FKTN: variants seen among roughly 807,000 people sequenced by gnomAD.
The protein encoded by FKTN is ribitol-5-phosphate transferase FKTN.
A neutral mutation model predicts 58.6 loss-of-function variants in FKTN; 47 were observed. That is an observed-to-expected ratio of 0.80 (90% CI 0.63 to 1.02). The LOEUF is 1.02. FKTN is among the 50% of genes least tolerant of loss of function. FKTN has a pLI of 0.00. For synonymous variants in FKTN, 178 were observed against 191.9 expected, an observed-to-expected ratio of 0.93 and a Z score of 0.60; for missense variants, 516 against 537.3, an observed-to-expected ratio of 0.96 and a Z score of 0.39.
rs572600058 is a variant in FKTN at position 105,563,859 on chromosome 9, G to A, written c.-181+5694G>A. Reference sequence around the variant, plus strand: ...GAGAACGGACAGACTGCCTCCTCAAGTGGGTCCCTGACCCTCAAGTAGCCT... The same window carrying A: ...GAGAACGGACAGACTGCCTCCTCAAATGGGTCCCTGACCCTCAAGTAGCCT... On this transcript the variant is annotated intron_variant, in intron 1 of 10. Coordinates refer to ENST00000357998, the MANE Select transcript of FKTN (RefSeq NM_001079802.2). Among the ~76,000 whole-genome samples the A allele has an allele frequency of 1.4e-4, 22 of 152,328 alleles. No individual in the cohort carries two copies. The South Asian group carries it at 4.3e-3, about 30-fold the overall frequency.
At chr9:105,626,878 T>G (rs538701125) in intron 10 of FKTN, among the ~76,000 whole-genome samples, 18 of 152,254 alleles carry the variant, frequency 1.2e-4, no homozygotes, top group African/African-American at 4.3e-4. Flanking sequence ...TATCCTCTTT[T>G]GTGAGTTACT....
At chr9:105,564,952 G>A (rs879180137) in intron 1 of FKTN, among the ~76,000 whole-genome samples, 20 of 152,136 alleles carry the variant, frequency 1.3e-4, no homozygotes, top group Admixed American at 6.5e-4. Context: ...CTGATCTCTC[G>A]GCAGGAACTC....
intron 6 of FKTN, among the ~76,000 whole-genome samples, chr9:105,606,647 G>C (rs1828931798): frequency 6.7e-6 from 1 of 150,252 alleles, no homozygotes; most frequent in East Asian, 1.9e-4. Context: ...CTTGAGAAGT[G>C]TAAGAGTATG....
chr9:105,624,985 T>C (rs1440517139), intron 10 of FKTN, among the ~76,000 whole-genome samples: 1 of 152,178 alleles, frequency 6.6e-6, no homozygotes, highest in African/African-American at 2.4e-5. Flanking sequence ...GTATAATGCT[T>C]CGATTAAATA....
chr9:105,635,565 T>C lies in FKTN; in HGVS notation c.*301T>C. 1 of 1,265,730 alleles carries C rather than the reference T, an allele frequency of 7.9e-7. No individual in the cohort carries two copies. Among genetic ancestry groups the C allele is most frequent in the East Asian group, 4.2e-5 (1 of 23,840 alleles). 78.4% of individuals were successfully genotyped at this position (1,265,730 alleles called of 1,614,324 possible). A position where few individuals can be genotyped will look rare whatever the true frequency, so the allele number is the denominator to read the frequency against. On this transcript the variant is annotated 3_prime_UTR_variant, in exon 11 of 11. Coordinates refer to ENST00000357998, the MANE Select transcript of FKTN (RefSeq NM_001079802.2). ...CTTTGAGGGAACCCTCCCCCACCCT[T>C]TGAAGAGTTCAAGTTCTGTACAGGT...
At chr9:105,589,250 C>A (rs1844428308) in intron 3 of FKTN, among the ~76,000 whole-genome samples, 1 of 152,160 alleles carries the variant, frequency 6.6e-6, no homozygotes, top group Non-Finnish European at 1.5e-5. Context: ...GTAATCCCAG[C>A]ATTTTTGGAG....
At chr9:105,594,828 G>A (rs962049184) in intron 3 of FKTN, among the ~76,000 whole-genome samples, 2 of 152,156 alleles carry the variant, frequency 1.3e-5, no homozygotes, top group African/African-American at 4.8e-5. Context: ...GTAGAAAGTT[G>A]GCCTTTGCTG....
intron 1 of FKTN, 118 bp downstream of exon 1, chr9:105,558,283 C>T (rs1353404373): frequency 6.6e-6 from 1 of 152,356 alleles, no homozygotes; most frequent in African/African-American, 2.4e-5. Flanking sequence ...CACCTGCCTA[C>T]CCCTTGGTGA....
At chr9:105,581,401 T>C (rs1842866287) in intron 3 of FKTN, among the ~76,000 whole-genome samples, 1 of 149,086 alleles carries the variant, frequency 6.7e-6, no homozygotes, top group Admixed American at 6.6e-5. Context: ...GACCCTCAGC[T>C]GCAGGTCTGT....
chr9:105,625,504 T>C (rs1832635777), intron 10 of FKTN, among the ~76,000 whole-genome samples: 1 of 152,150 alleles, frequency 6.6e-6, no homozygotes, highest in Non-Finnish European at 1.5e-5. Context: ...CAAGTCCTGT[T>C]GAGGAATATT....
At chr9:105,618,464 C>T (rs78394541) in intron 9 of FKTN, among the ~76,000 whole-genome samples, 2 of 152,070 alleles carry the variant, frequency 1.3e-5, no homozygotes, top group African/African-American at 4.8e-5. Flanking sequence ...AGAATCCCAC[C>T]CGCCGTACCT....
At chr9:105,573,887 C>G (rs1841221703) in intron 2 of FKTN, 141 bp downstream of exon 2, 3 of 152,152 alleles carry the variant, frequency 2.0e-5, no homozygotes. Context: ...TGGGGAAAGA[C>G]AGTGTAACCT....
At chr9:105,559,201 T>A (rs1393246417) in intron 1 of FKTN, among the ~76,000 whole-genome samples, 1 of 152,120 alleles carries the variant, frequency 6.6e-6, no homozygotes, top group Non-Finnish European at 1.5e-5. Context: ...GATCGTAGAG[T>A]GCTGAGGTTG....
At chr9:105,610,278 G>GT in intron 7 of FKTN, among the ~76,000 whole-genome samples, 1 of 152,116 alleles carries the variant, frequency 6.6e-6, no homozygotes, top group Middle Eastern at 3.4e-3. Flanking sequence ...TGCTATTTGG[G>GT]TTTTGCTGCA....
chr9:105,594,917 T>C (rs1564268842), intron 3 of FKTN, among the ~76,000 whole-genome samples: 1 of 152,198 alleles, frequency 6.6e-6, no homozygotes, highest in African/African-American at 2.4e-5. Context: ...ATATTTCCGA[T>C]TGCATTTTTC....
Position 105,609,769 on chromosome 9 carries a change from C to G in FKTN, c.780+1818C>G, listed in dbSNP as rs553847890. On this transcript the variant is annotated intron_variant, in intron 7 of 10. Coordinates refer to ENST00000357998, the MANE Select transcript of FKTN (RefSeq NM_001079802.2). ...GGTGCTGTGTTCTCATTACATCTCACTGGGCACTGCATAATTTTGATTTAT... is the reference window on the plus strand; with the variant it reads ...GGTGCTGTGTTCTCATTACATCTCAGTGGGCACTGCATAATTTTGATTTAT... Among the ~76,000 whole-genome samples, 23 of 152,282 alleles carry G rather than the reference C, an allele frequency of 1.5e-4. No homozygotes were observed. The South Asian group carries it at 3.9e-3, about 26-fold the overall frequency.
intron 10 of FKTN, among the ~76,000 whole-genome samples, chr9:105,634,522 G>T (rs1833852001): frequency 6.6e-6 from 1 of 152,138 alleles, no homozygotes; most frequent in Non-Finnish European, 1.5e-5. Flanking sequence ...CCTTGGGCTG[G>T]TTTAAAGATG....
At chr9:105,628,518 C>T (rs927941274) in intron 10 of FKTN, among the ~76,000 whole-genome samples, 10 of 151,684 alleles carry the variant, frequency 6.6e-5, no homozygotes, top group African/African-American at 2.4e-4. Context: ...TTAAAACTGT[C>T]GAATAGTTTG....
At chr9:105,631,749 A>G (rs1833480750) in intron 10 of FKTN, among the ~76,000 whole-genome samples, 4 of 148,370 alleles carry the variant, frequency 2.7e-5, no homozygotes, top group Admixed American at 2.0e-4. Flanking sequence ...AATGGCAATC[A>G]TTAAAAAGTC....
Sources: allele counts gnomAD v4.1 joint callset (sites outside exome capture counted in the v4.1 genomes callset), GRCh38; gene constraint gnomAD v4.1.1; transcripts MANE v1.5; gene names NCBI Gene and HGNC (gene_info 2026-07-23, HGNC 2026-07-21).